SH3BGRL2: variants seen among roughly 807,000 people sequenced by gnomAD.
SH3BGRL2 encodes SH3 domain-binding glutamic acid-rich-like protein 2.
Under a neutral mutation model 14.8 loss-of-function variants are expected in SH3BGRL2, and 21 were observed. That is an observed-to-expected ratio of 1.42 (90% CI 1.01 to 2.05). The LOEUF is 2.05. SH3BGRL2 is among the 30% of genes most tolerant of loss of function. The pLI is 0.00. For synonymous variants in SH3BGRL2, 50 were observed against 47.8 expected, an observed-to-expected ratio of 1.05 and a Z score of -0.19; for missense variants, 147 against 130.8, an observed-to-expected ratio of 1.12 and a Z score of -0.61.
At chr6:79,574,900 C>T in the SH3BGRL2 span, 3 of 152,188 alleles carry the variant, frequency 2.0e-5, no homozygotes, top group African/African-American at 7.2e-5. Flanking sequence ...TCTCTCCACA[C>T]AAGCCCCTCT....
chr6:79,682,145 T>C (rs1770000389), intron 2 of SH3BGRL2, among the ~76,000 whole-genome samples: 1 of 152,158 alleles, frequency 6.6e-6, no homozygotes, highest in Non-Finnish European at 1.5e-5. Context: ...TATTCAGCAT[T>C]ATTTTTATTA....
intron 1 of SH3BGRL2, among the ~76,000 whole-genome samples, chr6:79,654,752 C>T (rs145882648): frequency 2.6e-5 from 4 of 152,190 alleles, no homozygotes; most frequent in African/African-American, 4.8e-5. Flanking sequence ...GACAAAAGGA[C>T]GAAATAGCAG....
intron 2 of SH3BGRL2, among the ~76,000 whole-genome samples, chr6:79,688,575 A>T (rs898857582): frequency 6.6e-6 from 1 of 152,178 alleles, no homozygotes; most frequent in African/African-American, 2.4e-5. Flanking sequence ...AGAGTGCCTT[A>T]GACTATAAGG....
In SH3BGRL2 at chr6:79,662,636, C is replaced by G. The variant is rs562090480; in HGVS notation, c.46-10978C>G. On this transcript the variant is annotated intron_variant, in intron 1 of 3. Coordinates refer to ENST00000369838, the MANE Select transcript of SH3BGRL2 (RefSeq NM_031469.4). ...GACAATTAGTTGTCTTGGAGTTGCT[C>G]TTCTCGGGAGTATCTTTGTTGTGTT... Among the ~76,000 whole-genome samples the G allele has an allele frequency of 2.0e-5, 3 of 152,166 alleles. No individual in the cohort carries two copies. In the South Asian group the frequency reaches 6.2e-4, roughly 32 times the overall value.
At chr6:79,569,601 C>T in the SH3BGRL2 span, among the ~76,000 whole-genome samples, 159 of 152,202 alleles carry the variant, frequency 1.0e-3, no homozygotes, top group Non-Finnish European at 1.9e-3. Context: ...ATTCCAAAGG[C>T]GGAAGGGTAA....
At chr6:79,699,461 G>GA in intron 3 of SH3BGRL2, 37 bp from the exon 4 acceptor site, 2 of 1,024,778 alleles carry the variant, frequency 2.0e-6, no homozygotes, top group Non-Finnish European at 2.6e-6. Flanking sequence ...TGCAATAACT[G>GA]ACTTTTTTTT....
At chr6:79,567,497 C>T in the SH3BGRL2 span, among the ~76,000 whole-genome samples, 19,635 of 152,126 alleles carry the variant, frequency 0.13, 1,436 homozygotes, top group African/African-American at 0.17. Context: ...AGTGACAGGC[C>T]TTTACATATG....
the SH3BGRL2 span, among the ~76,000 whole-genome samples, chr6:79,568,629 A>C: frequency 6.6e-6 from 1 of 152,214 alleles, no homozygotes. Flanking sequence ...CCTAGGAAGC[A>C]AGGATGGGAG....
the SH3BGRL2 span, among the ~76,000 whole-genome samples, chr6:79,543,044 A>C: frequency 6.6e-6 from 1 of 152,140 alleles, no homozygotes; most frequent in South Asian, 2.1e-4. Flanking sequence ...ATCTTAAACA[A>C]CTCTGAGAAA....
At chr6:79,697,011 A>G (rs540141037) in intron 3 of SH3BGRL2, among the ~76,000 whole-genome samples, 2 of 152,296 alleles carry the variant, frequency 1.3e-5, no homozygotes, top group East Asian at 3.9e-4. Context: ...TTCTTTAATC[A>G]AAATATTTTG....
the SH3BGRL2 span, among the ~76,000 whole-genome samples, chr6:79,581,735 A>T: frequency 6.6e-6 from 1 of 152,178 alleles, no homozygotes; most frequent in South Asian, 2.1e-4. Flanking sequence ...GGCACAAAAC[A>T]AGGATGCCCT....
chr6:79,687,633 A>G (rs1770126751), intron 2 of SH3BGRL2, among the ~76,000 whole-genome samples: 2 of 152,184 alleles, frequency 1.3e-5, no homozygotes, highest in Non-Finnish European at 2.9e-5. Context: ...ACCTTTATCC[A>G]CTAAATCAAG....
the SH3BGRL2 span, among the ~76,000 whole-genome samples, chr6:79,546,108 C>T: frequency 1.3e-5 from 2 of 152,176 alleles, no homozygotes; most frequent in African/African-American, 2.4e-5. Context: ...GTAGCAATTT[C>T]ACGTGTCTTG....
chr6:79,622,738 G>T, the SH3BGRL2 span, among the ~76,000 whole-genome samples: 4 of 152,114 alleles, frequency 2.6e-5, no homozygotes, highest in African/African-American at 9.7e-5. Context: ...AAGTCATTGG[G>T]TTTTTAGGAA....
At chr6:79,556,991 A>G in the SH3BGRL2 span, among the ~76,000 whole-genome samples, 1 of 151,876 alleles carries the variant, frequency 6.6e-6, no homozygotes, top group African/African-American at 2.4e-5. Flanking sequence ...AAAGTCAAAC[A>G]TGTGATTTCA....
At position 79,631,465 on chromosome 6, in the gene SH3BGRL2, G is replaced by A. The variant is rs1410775036; in HGVS notation, c.4G>A (p.Val2Ile). 1 of 1,512,704 alleles carries A rather than the reference G, an allele frequency of 6.6e-7. No homozygotes were observed. Among genetic ancestry groups the A allele is most frequent in the East Asian group, 2.7e-5 (1 of 36,980 alleles). 93.7% of individuals were successfully genotyped at this position (1,512,704 alleles called of 1,614,324 possible). ...CTGTCCCGGGCGCAGCGAGAGGATG[G>A]TCATCCGCGTGTTCATCGCCTCTTC... M[V>I]IRVFIASSSG... Residue 2 changes from valine to isoleucine, a missense_variant, in exon 1 of 4, where the codon GTC (valine) becomes ATC (isoleucine). Coordinates refer to ENST00000369838, the MANE Select transcript of SH3BGRL2 (RefSeq NM_031469.4).
At chr6:79,561,568 G>A in the SH3BGRL2 span, 1 of 152,104 alleles carries the variant, frequency 6.6e-6, no homozygotes, top group African/African-American at 2.4e-5. Flanking sequence ...AAGCAAACGT[G>A]CATCTAAATA....
chr6:79,679,912 C>G (rs948697424), intron 2 of SH3BGRL2, among the ~76,000 whole-genome samples: 34 of 152,192 alleles, frequency 2.2e-4, no homozygotes, highest in East Asian at 7.7e-4. Context: ...GTTCTTTGCC[C>G]ATTTTAAAAT....
intron 1 of SH3BGRL2, among the ~76,000 whole-genome samples, chr6:79,631,746 C>T (rs2127721419): frequency 6.6e-6 from 1 of 152,304 alleles, no homozygotes; most frequent in African/African-American, 2.4e-5. Context: ...GACAACGCGG[C>T]CTGAAAATGG....
Sources: gnomAD v4.1 joint callset for allele counts (sites outside exome capture counted in the v4.1 genomes callset) on GRCh38, gnomAD v4.1.1 for gene constraint, MANE v1.5 for transcripts, NCBI Gene and HGNC (gene_info 2026-07-23, HGNC 2026-07-21) for gene names.